BACH2: variants seen among roughly 807,000 people sequenced by gnomAD.
The protein encoded by BACH2 is BACH transcriptional regulator 2, also known as transcription regulator protein BACH2.
Under a neutral mutation model 61.8 loss-of-function variants are expected in BACH2, and 5 were observed. That is an observed-to-expected ratio of 0.08 (90% confidence interval 0.04 to 0.17). The LOEUF is 0.17. BACH2 is among the 10% of genes least tolerant of loss of function. The probability of loss-of-function intolerance (pLI) is 1.00; values close to 1 mark genes in which losing one functional copy is unlikely to be tolerated. For missense variants in BACH2, 824 were observed against 1,091.1 expected (o/e 0.76, Z 3.45); for synonymous variants, 446 against 440.1 (o/e 1.01, Z -0.17).
intron 5 of BACH2, among the ~76,000 whole-genome samples, chr6:90,017,694 T>C (rs1409449928): frequency 6.6e-6 from 1 of 152,234 alleles, no homozygotes; most frequent in African/African-American, 2.4e-5. Flanking sequence ...CTACTTAAGA[T>C]GTTCAATCTT....
rs1771893097 is a variant in BACH2, at chr6:90,282,636, T to C, written c.-445-10695A>G. On this transcript the variant is annotated intron_variant, in intron 1 of 8. Coordinates refer to ENST00000257749, the MANE Select transcript of BACH2 (RefSeq NM_021813.4). ...ACATACACGTGTATGTGTCTTAGAA[T>C]AATTTATATTCCTTTGGGTATATGC... Among the ~76,000 whole-genome samples the C allele has an allele frequency of 2.6e-5, 4 of 152,156 alleles. 1 individual carries two copies. Among genetic ancestry groups the C allele is most frequent in the African/African-American group, 9.7e-5 (4 of 41,438 alleles).
intron 6 of BACH2, among the ~76,000 whole-genome samples, chr6:89,963,390 C>T (rs949154892): frequency 5.9e-5 from 9 of 152,256 alleles, no homozygotes; most frequent in Non-Finnish European, 7.4e-5. Context: ...ACTTCCCAGG[C>T]TCAAGTGCTC....
chr6:90,057,185 C>G (rs1008833400), intron 5 of BACH2, among the ~76,000 whole-genome samples: 3 of 151,996 alleles, frequency 2.0e-5, no homozygotes, highest in Admixed American at 6.6e-5. Context: ...AATCCAGGAG[C>G]TGGTTTTTTG....
intron 6 of BACH2, among the ~76,000 whole-genome samples, chr6:89,953,915 T>G (rs772792224): frequency 1.3e-5 from 2 of 152,226 alleles, no homozygotes; most frequent in Non-Finnish European, 2.9e-5. Context: ...TGACCGACAC[T>G]TTTGTATCCT....
At chr6:90,186,891 C>T (rs1468619935) in intron 4 of BACH2, among the ~76,000 whole-genome samples, 1 of 152,154 alleles carries the variant, frequency 6.6e-6, no homozygotes, top group Non-Finnish European at 1.5e-5. Flanking sequence ...AATTTGAACC[C>T]AGGTCTGATA....
At chr6:90,059,840 T>C (rs1780585003) in intron 5 of BACH2, among the ~76,000 whole-genome samples, 1 of 151,260 alleles carries the variant, frequency 6.6e-6, no homozygotes. Context: ...ATGGATCAAG[T>C]TGGAAACCAT....
At position 90,212,733 on chromosome 6, in the gene BACH2, G is replaced by C. The variant is rs1389105316; in HGVS notation, c.-274-6052C>G. ...TAATATATGAGTTATGGTTCAATAG[G>C]AAATGGTAATAAAGAGGAGGAAACA... On this transcript the variant is annotated intron_variant, in intron 3 of 8. Transcript: ENST00000257749. Among the ~76,000 whole-genome samples, 5 of 152,110 alleles carry C rather than the reference G, an allele frequency of 3.3e-5. No individual in the cohort carries two copies. In the South Asian group the frequency reaches 6.2e-4, roughly 19 times the overall value.
At chr6:90,092,291 A>AAAAAAAAAAAAAAAATAT in intron 4 of BACH2, among the ~76,000 whole-genome samples, 6 of 113,834 alleles carry the variant, frequency 5.3e-5, no homozygotes, top group African/African-American at 1.8e-4. Flanking sequence ...AAAAAAAAAA[A>AAAAAAAAAAAAAAAATAT]ATATATATAT....
chr6:90,101,529 T>G (rs1173024842), intron 4 of BACH2, among the ~76,000 whole-genome samples: 1 of 152,142 alleles, frequency 6.6e-6, no homozygotes, highest in Non-Finnish European at 1.5e-5. Flanking sequence ...GAACCCTTGT[T>G]GAAAACTTTG....
At chr6:90,002,017 C>T (rs1046943609) in intron 6 of BACH2, among the ~76,000 whole-genome samples, 2 of 152,192 alleles carry the variant, frequency 1.3e-5, no homozygotes, top group African/African-American at 2.4e-5. Context: ...TACTGCTCCC[C>T]CAAAAGTGCT....
chr6:90,074,930 C>A (rs1163437847), intron 5 of BACH2, among the ~76,000 whole-genome samples: 1 of 152,090 alleles, frequency 6.6e-6, no homozygotes. Flanking sequence ...GGTAGGTAAG[C>A]AGGAACAAAG....
chr6:90,150,964 C>T (rs1784792701), intron 4 of BACH2, among the ~76,000 whole-genome samples: 1 of 152,162 alleles, frequency 6.6e-6, no homozygotes, highest in African/African-American at 2.4e-5. Flanking sequence ...CACCATTAAA[C>T]TGGGACACTT....
intron 4 of BACH2, among the ~76,000 whole-genome samples, chr6:90,102,921 C>T (rs1782721508): frequency 7.0e-6 from 1 of 143,158 alleles, no homozygotes; most frequent in Non-Finnish European, 1.5e-5. Context: ...TTCTTCTTTC[C>T]AACTCAGGGC....
chr6:89,984,889 A>G (rs766162628), intron 6 of BACH2, among the ~76,000 whole-genome samples: 3 of 152,210 alleles, frequency 2.0e-5, no homozygotes, highest in Non-Finnish European at 4.4e-5. Flanking sequence ...ATTAAGATAA[A>G]CACAATTATT....
Position 90,116,805 on chromosome 6 carries a change from C to T in BACH2, c.-161-27696G>A, listed in dbSNP as rs527999351. 27 of 507,322 alleles carry T rather than the reference C, an allele frequency of 5.3e-5. No individual in the cohort carries two copies. In the South Asian group the frequency reaches 6.8e-4, roughly 13 times the overall value. 31.4% of individuals were successfully genotyped at this position (507,322 alleles called of 1,614,324 possible). On this transcript the variant is annotated intron_variant, in intron 4 of 8. Coordinates refer to ENST00000257749, the MANE Select transcript of BACH2 (RefSeq NM_021813.4). ...GTGACAGAATAGGTCCCTGGATACA[C>T]TTCTATGTAGAGGTGTTCTCACTAG...
chr6:90,059,319 T>G (rs1780553241), intron 5 of BACH2, among the ~76,000 whole-genome samples: 2 of 152,180 alleles, frequency 1.3e-5, no homozygotes, highest in South Asian at 4.1e-4. Context: ...GCAAAGGATA[T>G]GAACAGACAC....
chr6:90,102,690 C>CGA lies in BACH2; in HGVS notation c.-161-13583_-161-13582dup, dbSNP rs1782694847. Among the ~76,000 whole-genome samples, 2 of 151,170 alleles carry CGA rather than the reference C, an allele frequency of 1.3e-5. 1 individual carries two copies. Among genetic ancestry groups the CGA allele is most frequent in the South Asian group, 4.2e-4 (2 of 4,790 alleles). On this transcript the variant is annotated intron_variant, in intron 4 of 8. Transcript: ENST00000257749. ...CTGTAATCCCAGCTACTCGGGAGGA[C>CGA]GAGGCAGGAGAATCACTTGAACCGA... is the stretch of plus-strand genomic sequence containing the variant.
At chr6:90,111,454 C>T (rs530150046) in intron 4 of BACH2, among the ~76,000 whole-genome samples, 18 of 152,338 alleles carry the variant, frequency 1.2e-4, no homozygotes, top group African/African-American at 3.8e-4. Flanking sequence ...GAGGTGCAGG[C>T]CCAAGCCTGC....
At chr6:90,131,759 T>C (rs1012773758) in intron 4 of BACH2, among the ~76,000 whole-genome samples, 1 of 152,242 alleles carries the variant, frequency 6.6e-6, no homozygotes, top group Admixed American at 6.5e-5. Context: ...TTTTGTGGTA[T>C]TGGTTCCACC....
Sources: allele counts gnomAD v4.1 joint callset (sites outside exome capture counted in the v4.1 genomes callset), GRCh38; gene constraint gnomAD v4.1.1; transcripts MANE v1.5; gene names NCBI Gene and HGNC (gene_info 2026-07-23, HGNC 2026-07-21).